Variants in ANO4 observed in about 807,000 individuals in gnomAD.
ANO4 encodes anoctamin-4.
ANO4 carries 69 observed loss-of-function variants against 141.9 expected under a neutral mutation model. The observed-to-expected ratio is 0.49, with a 90% CI of 0.40 to 0.59. The LOEUF is 0.59. Among genes scored for constraint, ANO4 ranks in the 20% least tolerant of loss-of-function variants. The pLI is 0.00. For missense variants in ANO4, 894 were observed against 1,162.2 expected (o/e 0.77, Z 3.36); for synonymous variants, 350 against 394.3 (o/e 0.89, Z 1.33).
chr12:101,100,075 G>T (rs1001324413), intron 22 of ANO4, among the ~76,000 whole-genome samples: 1 of 152,104 alleles, frequency 6.6e-6, no homozygotes, highest in Non-Finnish European at 1.5e-5. Flanking sequence ...ATAATAATAA[G>T]AGGAACCATT....
intron 8 of ANO4, among the ~76,000 whole-genome samples, chr12:101,005,498 A>G (rs966817461): frequency 2.0e-5 from 3 of 152,200 alleles, no homozygotes; most frequent in Admixed American, 2.0e-4. Context: ...TTAAGGATTA[A>G]TGGTTGAGCT....
intron 3 of ANO4, among the ~76,000 whole-genome samples, chr12:100,931,592 A>T (rs191903641): frequency 6.6e-6 from 1 of 152,280 alleles, no homozygotes; most frequent in Admixed American, 6.5e-5. Context: ...TTGTTTTGAG[A>T]ATGAAATGAG....
At chr12:100,856,653 G>A (rs2038187789) in intron 1 of ANO4, among the ~76,000 whole-genome samples, 1 of 152,118 alleles carries the variant, frequency 6.6e-6, no homozygotes, top group African/African-American at 2.4e-5. Context: ...CATAAAGGAT[G>A]GATAGGAAGA....
chr12:100,911,030 A>G (rs912785067), intron 2 of ANO4, among the ~76,000 whole-genome samples: 3 of 152,180 alleles, frequency 2.0e-5, no homozygotes. Context: ...CCAAACAGCT[A>G]GAATGATTAG....
chr12:100,856,557 A>G (rs1239067250), intron 1 of ANO4, among the ~76,000 whole-genome samples: 1 of 152,144 alleles, frequency 6.6e-6, no homozygotes, highest in Admixed American at 6.6e-5. Flanking sequence ...GAAATGAGTA[A>G]AGGGTATTTT....
chr12:101,021,227 G>T (rs992671135), intron 9 of ANO4, among the ~76,000 whole-genome samples: 1 of 152,176 alleles, frequency 6.6e-6, no homozygotes. Context: ...TCATTCTTTG[G>T]GAGTTGCTAC....
intron 5 of ANO4, among the ~76,000 whole-genome samples, chr12:100,950,177 A>C (rs1482569398): frequency 6.6e-6 from 1 of 152,116 alleles, no homozygotes; most frequent in Non-Finnish European, 1.5e-5. Flanking sequence ...GAGTGTCAGG[A>C]CTATGTGCAC....
In ANO4 at chr12:100,890,932, T is replaced by C. The variant is rs570497108; in HGVS notation, c.-140-10714T>C. 2.4e-4 allele frequency among the ~76,000 whole-genome samples: 36 copies of C among 152,336 alleles called. 1 individual carries two copies. The South Asian group carries it at 5.0e-3, about 21-fold the overall frequency. ...GTTTTATTGCCCTAAAAATCCCTTG[T>C]GCTCTGCCTATTTCTCCCTCCTTTC... On this transcript the variant is annotated intron_variant, in intron 1 of 27. Coordinates refer to ENST00000392977, the MANE Select transcript of ANO4 (RefSeq NM_001286615.2).
chr12:100,875,013 T>G (rs1473808266), intron 1 of ANO4, among the ~76,000 whole-genome samples: 1 of 152,164 alleles, frequency 6.6e-6, no homozygotes, highest in Non-Finnish European at 1.5e-5. Flanking sequence ...CAGATGAGAC[T>G]TTGGACCATG....
chr12:100,818,079 A>C (rs2035832937), intron 1 of ANO4, among the ~76,000 whole-genome samples: 1 of 151,776 alleles, frequency 6.6e-6, no homozygotes, highest in African/African-American at 2.4e-5. Context: ...CAGCCTTATA[A>C]AGTGTTTCCT....
intron 13 of ANO4, among the ~76,000 whole-genome samples, chr12:101,044,061 G>A (rs915558445): frequency 2.0e-5 from 3 of 152,176 alleles, no homozygotes; most frequent in African/African-American, 4.8e-5. Context: ...ATAGACCTCA[G>A]TAAATGACAG....
At chr12:101,079,310 C>G (rs1300103436) in intron 15 of ANO4, 35 bp downstream of exon 15, 2 of 1,553,430 alleles carry the variant, frequency 1.3e-6, no homozygotes, top group Non-Finnish European at 1.8e-6. Flanking sequence ...TTGTAAAAAG[C>G]AAATCACCCA....
Position 100,939,086 on chromosome 12 carries a change from A to G in ANO4, c.161-229A>G, listed in dbSNP as rs374733952. On this transcript the variant is annotated intron_variant, in intron 3 of 27. Transcript: ENST00000392977. ...AAGACAAATTATATTTACATTACGG[A>G]TGTACTTTGCTTTTTATTTTCCTTA... Among the ~76,000 whole-genome samples, 3 of 152,262 alleles carry G rather than the reference A, an allele frequency of 2.0e-5. No homozygotes were observed. In the South Asian group the frequency reaches 6.2e-4, roughly 32 times the overall value.
intron 3 of ANO4, among the ~76,000 whole-genome samples, chr12:100,775,500 CAG>C (rs1325444268): frequency 6.6e-6 from 1 of 152,176 alleles, no homozygotes. Flanking sequence ...TGTTATCAAA[CAG>C]ATCTGGGCTG....
chr12:101,064,949 C>T (rs958577463), intron 14 of ANO4, among the ~76,000 whole-genome samples: 3 of 152,036 alleles, frequency 2.0e-5, no homozygotes, highest in Non-Finnish European at 2.9e-5. Flanking sequence ...ATTTCGTAGC[C>T]GTCTTGGTTA....
At chr12:100,802,687 G>A (rs2135669396) in intron 1 of ANO4, among the ~76,000 whole-genome samples, 1 of 152,212 alleles carries the variant, frequency 6.6e-6, no homozygotes. Flanking sequence ...TCAGCTTCCT[G>A]CCTTCATGGA....
intron 1 of ANO4, among the ~76,000 whole-genome samples, chr12:100,821,849 C>T (rs75960061): frequency 0.01 from 1,587 of 152,006 alleles, 35 homozygotes; most frequent in African/African-American, 0.036. Context: ...CTGACATTGC[C>T]GTAGTATTAA....
chr12:100,936,024 C>T (rs1222059761), intron 3 of ANO4, among the ~76,000 whole-genome samples: 1 of 152,160 alleles, frequency 6.6e-6, no homozygotes, highest in Non-Finnish European at 1.5e-5. Context: ...TCACAGCAGA[C>T]TTTCTAATCT....
At chr12:100,884,453 A>C (rs1282659279) in intron 1 of ANO4, among the ~76,000 whole-genome samples, 1 of 152,180 alleles carries the variant, frequency 6.6e-6, no homozygotes, top group Non-Finnish European at 1.5e-5. Flanking sequence ...GACCTGGGTT[A>C]AGCTGATGGA....
Sources: gnomAD v4.1 joint callset for allele counts (sites outside exome capture counted in the v4.1 genomes callset) on GRCh38, gnomAD v4.1.1 for gene constraint, MANE v1.5 for transcripts, NCBI Gene and HGNC (gene_info 2026-07-23, HGNC 2026-07-21) for gene names.